The following SLC35F5 variants were observed in gnomAD, a reference collection of about 807,000 sequenced individuals.
SLC35F5 encodes the protein solute carrier family 35 member F5, also known as HCV NS5A-transactivated protein 3.
In SLC35F5, 54 loss-of-function variants were observed where a neutral mutation model predicts 68.6. The ratio of observed to expected loss-of-function variants is 0.79; its 90% CI spans 0.63 to 0.99. The LOEUF is 0.99. Among genes scored for constraint, SLC35F5 ranks in the 50% least tolerant of loss-of-function variants. SLC35F5 has a pLI of 0.00. For missense variants in SLC35F5, 567 were observed against 626.9 expected (o/e 0.90, Z 1.02); for synonymous variants, 211 against 205.2 (o/e 1.03, Z -0.24).
intron 9 of SLC35F5, among the ~76,000 whole-genome samples, chr2:113,732,542 A>G (rs1404707506): frequency 1.3e-5 from 2 of 152,212 alleles, no homozygotes; most frequent in African/African-American, 4.8e-5. Flanking sequence ...TCAGAACTCA[A>G]GTGCAGTCCT....
At chr2:113,729,602 C>A (rs1687805981) in intron 10 of SLC35F5, 97 bp from the exon 11 acceptor site, 1 of 682,896 alleles carries the variant, frequency 1.5e-6, no homozygotes, top group Admixed American at 3.0e-5. Flanking sequence ...CAAGAATATA[C>A]AAAAGTGAAA....
In SLC35F5 at chr2:113,706,998, T is replaced by C. The variant is rs1686816201; in HGVS notation, c.*8220A>G. Among the ~76,000 whole-genome samples, 1 of 152,088 alleles carries C rather than the reference T, an allele frequency of 6.6e-6. No homozygotes were observed. Among genetic ancestry groups the C allele is most frequent in the Non-Finnish European group, 1.5e-5 (1 of 68,008 alleles). ...TTTTGGCCCTAAATCATAGCTAACATAAGTAGGAATTATAATTAATTTTAT... is the reference window on the plus strand; with the variant it reads ...TTTTGGCCCTAAATCATAGCTAACACAAGTAGGAATTATAATTAATTTTAT... On this transcript the variant is annotated 3_prime_UTR_variant, in exon 16 of 16. Coordinates refer to ENST00000245680, the MANE Select transcript of SLC35F5 (RefSeq NM_025181.5).
rs1686942513 is a variant in SLC35F5 at position 113,710,221 on chromosome 2, C to T, written c.*4997G>A. Among the ~76,000 whole-genome samples the T allele has an allele frequency of 6.6e-6, 1 of 152,124 alleles. No individual in the cohort carries two copies. Among genetic ancestry groups the T allele is most frequent in the Non-Finnish European group, 1.5e-5 (1 of 68,030 alleles). The stretch of plus-strand genomic sequence containing the variant: ...CTCTGAAACTTTACTTAGGAGTATG[C>T]ATATTAAAATATATATATAACTTAA... On this transcript the variant is annotated 3_prime_UTR_variant, in exon 16 of 16. Transcript: ENST00000245680.
intron 1 of SLC35F5, 97 bp from the exon 2 acceptor site, chr2:113,755,641 A>T: frequency 1.6e-6 from 2 of 1,255,248 alleles, no homozygotes; most frequent in Non-Finnish European, 2.3e-6. Flanking sequence ...ACTCAAAGCA[A>T]ATCAATGAAA....
intron 10 of SLC35F5, among the ~76,000 whole-genome samples, chr2:113,731,039 A>G (rs1687862861): frequency 6.6e-6 from 1 of 152,222 alleles, no homozygotes; most frequent in Non-Finnish European, 1.5e-5. Flanking sequence ...GAATGCACTG[A>G]TCAGGAAACA....
chr2:113,734,309 T>C (rs886948904), intron 9 of SLC35F5, among the ~76,000 whole-genome samples: 11 of 152,176 alleles, frequency 7.2e-5, no homozygotes, highest in African/African-American at 2.7e-4. Context: ...AGCTGCTACA[T>C]TAAGTGTGAA....
chr2:113,721,971 C>CTTTTTTTTTTTTT (rs71297192), intron 13 of SLC35F5, among the ~76,000 whole-genome samples: 17 of 107,658 alleles, frequency 1.6e-4, no homozygotes, highest in Non-Finnish European at 2.6e-4. Context: ...TTGCTTTTAT[C>CTTTTTTTTTTTTT]TTTTTTTTTT....
chr2:113,737,338 C>T (rs1204297332), intron 7 of SLC35F5, among the ~76,000 whole-genome samples: 2 of 152,204 alleles, frequency 1.3e-5, no homozygotes, highest in Non-Finnish European at 2.9e-5. Context: ...CAGAATGAAA[C>T]TGTGGCAACG....
At chr2:113,718,476 T>G (rs191247254) in intron 14 of SLC35F5, among the ~76,000 whole-genome samples, 1 of 152,314 alleles carries the variant, frequency 6.6e-6, no homozygotes, top group Admixed American at 6.5e-5. Context: ...CAATAAAAGT[T>G]TTCTATATTT....
chr2:113,717,731 T>C (rs769595217), intron 15 of SLC35F5, 22 bp downstream of exon 15: 17 of 1,485,902 alleles, frequency 1.1e-5, no homozygotes, highest in Non-Finnish European at 2.8e-6. Context: ...TATTCAATAC[T>C]AAACCCAGCT....
At chr2:113,747,533 T>C (rs1390331675) in intron 4 of SLC35F5, among the ~76,000 whole-genome samples, 1 of 152,078 alleles carries the variant, frequency 6.6e-6, no homozygotes, top group Non-Finnish European at 1.5e-5. Flanking sequence ...AGGGAGTCAA[T>C]GTAGAAAAAT....
At chr2:113,754,267 G>A (rs374641612) in intron 3 of SLC35F5, among the ~76,000 whole-genome samples, 2 of 149,042 alleles carry the variant, frequency 1.3e-5, no homozygotes, top group East Asian at 1.9e-4. Context: ...TCCAGCCTGG[G>A]CGACAGAGCA....
intron 12 of SLC35F5, among the ~76,000 whole-genome samples, chr2:113,724,330 T>G (rs1687576021): frequency 6.6e-6 from 1 of 152,230 alleles, no homozygotes; most frequent in Non-Finnish European, 1.5e-5. Context: ...GCTAAAGCCT[T>G]TTGTCATCTG....
rs146995908 is a variant in SLC35F5 at position 113,719,262 on chromosome 2, A to G, written c.1388T>C (p.Phe463Ser). ...TAGGAGAGTTACAATAAAAAATGAAAAAAATACAGGGATAGCTCCTGCAAA... is the reference window on the plus strand; with the variant it reads ...TAGGAGAGTTACAATAAAAAATGAAGAAAATACAGGGATAGCTCCTGCAAA... The part of the protein sequence containing the change: ...LFFAGAIPVF[F>S]SFFIVTLLCH... The change falls in exon 14 of 16, where the codon TTT becomes TCT. Residue 463 changes from phenylalanine (F) to serine (S), a missense_variant. Coordinates refer to ENST00000245680, the MANE Select transcript of SLC35F5 (RefSeq NM_025181.5). 1,362 of 1,597,292 alleles carry G rather than the reference A, an allele frequency of 8.5e-4. 1 individual carries two copies. The highest frequency in any genetic ancestry group is 1.1e-3 in the Non-Finnish European group (1,250 of 1,177,200).
In SLC35F5 at chr2:113,743,646, T is replaced by G. The variant is rs775944549; in HGVS notation, c.562+67A>C. On this transcript the variant is annotated intron_variant, in intron 6 of 15. Transcript: ENST00000245680. ...TGCTACATGTTTCAGTCAACCCACA[T>G]CATCACTAAGTTCTGAAGTGGCTTG... 6.2e-6 allele frequency: 8 copies of G among 1,286,112 alleles called. No individual in the cohort carries two copies. The Admixed American group carries it at 7.0e-5, about 11-fold the overall frequency. 79.7% of individuals were successfully genotyped at this position (1,286,112 alleles called of 1,614,324 possible).
intron 9 of SLC35F5, among the ~76,000 whole-genome samples, chr2:113,732,042 G>A (rs1687918087): frequency 6.6e-6 from 1 of 152,120 alleles, no homozygotes; most frequent in South Asian, 2.1e-4. Context: ...AGTTAAGAAT[G>A]AATTAACCAA....
chr2:113,723,247 A>C (rs1389525552), intron 12 of SLC35F5, 53 bp from the exon 13 acceptor site: 2 of 1,302,794 alleles, frequency 1.5e-6, no homozygotes, highest in Non-Finnish European at 2.1e-6. Flanking sequence ...ACCAAAGAAA[A>C]ACACTGAACA....
At position 113,756,350 on chromosome 2, in the gene SLC35F5, G is replaced by T; in HGVS notation, c.40+20C>A. On this transcript the variant is annotated intron_variant, in intron 1 of 15. Coordinates refer to ENST00000245680, the MANE Select transcript of SLC35F5 (RefSeq NM_025181.5). ...CGGTTTGGGCTCCGGTGATGTCGGG[G>T]CCCTTCCCTGCCTGCCTACCTGGCC... is the stretch of plus-strand genomic sequence containing the variant. The T allele has an allele frequency of 6.4e-7, 1 of 1,567,048 alleles. No homozygotes were observed. The highest frequency in any genetic ancestry group is 1.4e-5 in the African/African-American group (1 of 73,736).
intron 5 of SLC35F5, among the ~76,000 whole-genome samples, 166 bp downstream of exon 5, chr2:113,746,111 A>T (rs1172559593): frequency 2.0e-5 from 3 of 152,096 alleles, no homozygotes; most frequent in Non-Finnish European, 4.4e-5. Flanking sequence ...GCCCCAGGTA[A>T]CCCTAAGGAG....
Sources: gnomAD v4.1 joint callset for allele counts (sites outside exome capture counted in the v4.1 genomes callset) on GRCh38, gnomAD v4.1.1 for gene constraint, MANE v1.5 for transcripts, NCBI Gene and HGNC (gene_info 2026-07-23, HGNC 2026-07-21) for gene names.